TIAM2: variants seen among roughly 807,000 people sequenced by gnomAD.
The protein encoded by TIAM2 is rho guanine nucleotide exchange factor TIAM2.
TIAM2 carries 80 observed loss-of-function variants against 152.9 expected under a neutral mutation model. The observed-to-expected ratio is 0.52, with a 90% CI of 0.44 to 0.63. The LOEUF is 0.63. Among genes scored for constraint, TIAM2 ranks in the 30% least tolerant of loss-of-function variants. The pLI is 0.00. For missense variants in TIAM2, 1,965 were observed against 2,120.1 expected (o/e 0.93, Z 1.44); for synonymous variants, 804 against 838.0 (o/e 0.96, Z 0.70).
chr6:155,231,159 C>G (rs575002627), intron 15 of TIAM2, among the ~76,000 whole-genome samples: 1 of 152,238 alleles, frequency 6.6e-6, no homozygotes, highest in East Asian at 1.9e-4. Flanking sequence ...CTTCCCTTAC[C>G]AGTAAATCAC....
At chr6:155,168,983 T>C (rs574251861) in intron 9 of TIAM2, 200 of 1,329,264 alleles carry the variant, frequency 1.5e-4, no homozygotes, top group Middle Eastern at 1.9e-4. Flanking sequence ...ACTTTTTCTG[T>C]TTTTTTTTGT....
At chr6:155,249,212 C>T (rs1185033105) in intron 20 of TIAM2, among the ~76,000 whole-genome samples, 1 of 152,154 alleles carries the variant, frequency 6.6e-6, no homozygotes, top group Non-Finnish European at 1.5e-5. Context: ...TGCTTTTTGG[C>T]TTTTATAAAA....
In TIAM2 at chr6:155,148,350, A is replaced by G; in HGVS notation, c.2028+16A>G. On this transcript the variant is annotated intron_variant, in intron 7 of 26. Transcript: ENST00000682666. ...AGAGAACCAGGTACTGTTTGTCTAC[A>G]CCTGAGTTTTCTTCCATTGCTCATG... The G allele has an allele frequency of 6.2e-7, 1 of 1,604,496 alleles. No homozygotes were observed. The highest frequency in any genetic ancestry group is 8.5e-7 in the Non-Finnish European group (1 of 1,175,472).
In TIAM2 at chr6:155,256,862, G is replaced by T; in HGVS notation, c.4847G>T (p.Gly1616Val). 1 of 1,614,226 alleles carries T rather than the reference G, an allele frequency of 6.2e-7. No individual in the cohort carries two copies. Among genetic ancestry groups the T allele is most frequent in the East Asian group, 2.2e-5 (1 of 44,884 alleles). The change falls in exon 27 of 27, where the codon GGT (glycine) becomes GTT (valine). Residue 1616 changes from glycine (G) to valine (V), a missense_variant. This residue lies in a region of TIAM2 where 935 missense variants were observed against 980.0 expected (regional missense o/e 0.95). Coordinates refer to ENST00000682666, the MANE Select transcript of TIAM2 (RefSeq NM_012454.4). ...EAEQQPGPES[G>V]EGQKGGEQPK... ...GAGCAGCAGCCTGGCCCGGAGTCGG[G>T]TGAGGGTCAGAAAGGAGGAGAGCAG...
In TIAM2 at chr6:155,124,854, A is replaced by G. The variant is rs555383182; in HGVS notation, c.-117-2636A>G. On this transcript the variant is annotated intron_variant, in intron 2 of 26. Coordinates refer to ENST00000682666, the MANE Select transcript of TIAM2 (RefSeq NM_012454.4). ...CTGCCAATGGCCAAGTGGAAAATCT[A>G]TTTGACTTTTTTTTTTTTTTTTAAT... Among the ~76,000 whole-genome samples the G allele has an allele frequency of 2.0e-3, 295 of 149,544 alleles. 2 individuals are homozygous for G. The highest frequency in any genetic ancestry group is 6.9e-3 in the African/African-American group (279 of 40,592).
chr6:155,036,719 G>A (rs1776931002), intron 1 of TIAM2, among the ~76,000 whole-genome samples: 1 of 151,614 alleles, frequency 6.6e-6, no homozygotes. Flanking sequence ...CCAGGTTCAA[G>A]CGATTCTCCT....
At chr6:155,083,869 A>G (rs1778123325) in intron 1 of TIAM2, among the ~76,000 whole-genome samples, 1 of 152,234 alleles carries the variant, frequency 6.6e-6, no homozygotes, top group African/African-American at 2.4e-5. Context: ...ACGAAACCAG[A>G]TAAATGTAGC....
At chr6:155,054,455 G>A (rs1777394850) in intron 1 of TIAM2, among the ~76,000 whole-genome samples, 1 of 152,172 alleles carries the variant, frequency 6.6e-6, no homozygotes, top group South Asian at 2.1e-4. Flanking sequence ...AGGTGAGGGG[G>A]AAGAAGGAAA....
intron 1 of TIAM2, among the ~76,000 whole-genome samples, chr6:155,028,498 G>GTTACATATACTACATATATGTAC (rs1776687241): frequency 1.1e-5 from 1 of 87,308 alleles, no homozygotes; most frequent in Non-Finnish European, 2.5e-5. Context: ...TATATATACT[G>GTTACATATACTACATATATGTAC]TGTTACATAT....
intron 2 of TIAM2, among the ~76,000 whole-genome samples, chr6:155,113,456 C>T (rs573442447): frequency 1.3e-5 from 2 of 152,268 alleles, no homozygotes; most frequent in East Asian, 1.9e-4. Context: ...CGTGGTGGCT[C>T]ATGCCTATAA....
chr6:155,183,170 T>G, intron 13 of TIAM2, 67 bp from the exon 14 acceptor site: 2 of 1,557,782 alleles, frequency 1.3e-6, no homozygotes, highest in Non-Finnish European at 1.7e-6. Flanking sequence ...GCAGCCTTCT[T>G]TCATCTGAAA....
intron 1 of TIAM2, among the ~76,000 whole-genome samples, chr6:155,029,303 CTATGTGTTATATATACTATAT>C (rs1776738150): frequency 8.7e-6 from 1 of 115,498 alleles, no homozygotes; most frequent in Non-Finnish European, 1.7e-5. Flanking sequence ...ACTATATGTA[CTATGTGTTATATATACTATAT>C]GTACTATGTG....
At chr6:155,221,302 G>T (rs1052212428) in intron 15 of TIAM2, among the ~76,000 whole-genome samples, 1 of 152,076 alleles carries the variant, frequency 6.6e-6, no homozygotes, top group Non-Finnish European at 1.5e-5. Context: ...TGCTGGCTCT[G>T]AAATTAACTT....
At chr6:155,132,306 A>T (rs2115041361) in intron 4 of TIAM2, among the ~76,000 whole-genome samples, 1 of 149,404 alleles carries the variant, frequency 6.7e-6, no homozygotes, top group South Asian at 2.2e-4. Context: ...GGTGGAAAAT[A>T]ATATAACTTT....
intron 2 of TIAM2, among the ~76,000 whole-genome samples, chr6:155,114,156 T>G (rs1159806736): frequency 6.8e-6 from 1 of 146,218 alleles, no homozygotes; most frequent in African/African-American, 2.5e-5. Flanking sequence ...CAGGTTCAAG[T>G]GATTCTTGTG....
At chr6:155,126,457 C>G (rs536951989) in intron 2 of TIAM2, among the ~76,000 whole-genome samples, 8 of 152,216 alleles carry the variant, frequency 5.3e-5, no homozygotes, top group African/African-American at 1.7e-4. Flanking sequence ...ATGGGCCAGG[C>G]GCGGTGGCTC....
At chr6:155,116,676 A>G (rs1210327401) in intron 2 of TIAM2, among the ~76,000 whole-genome samples, 3 of 152,196 alleles carry the variant, frequency 2.0e-5, no homozygotes, top group African/African-American at 7.2e-5. Flanking sequence ...GCAGGTTTCC[A>G]TAGTCAGCAA....
intron 4 of TIAM2, among the ~76,000 whole-genome samples, chr6:155,134,603 T>C (rs1021114932): frequency 2.6e-5 from 4 of 152,082 alleles, no homozygotes; most frequent in Non-Finnish European, 5.9e-5. Flanking sequence ...GTAATTCCAG[T>C]GTTTTTGGGC....
chr6:155,073,621 G>C (rs1208044231), intron 1 of TIAM2, among the ~76,000 whole-genome samples: 1 of 151,858 alleles, frequency 6.6e-6, no homozygotes. Context: ...TGGACTTACA[G>C]AGCAAGAAAG....
Sources: allele counts gnomAD v4.1 joint callset (sites outside exome capture counted in the v4.1 genomes callset), GRCh38; gene constraint gnomAD v4.1.1; regional missense constraint gnomAD v4.1.1; transcripts MANE v1.5; gene names NCBI Gene and HGNC (gene_info 2026-07-23, HGNC 2026-07-21).